The following BMPER variants were observed in gnomAD, a reference collection of about 807,000 sequenced individuals.
The protein encoded by BMPER is BMP-binding endothelial regulator protein.
Under a neutral mutation model 87.3 loss-of-function variants are expected in BMPER, and 45 were observed. The observed-to-expected ratio is 0.52, with a 90% CI of 0.41 to 0.66. The LOEUF (loss-of-function observed/expected upper bound fraction) is 0.66. Among genes scored for constraint, BMPER ranks in the 30% least tolerant of loss-of-function variants. BMPER has a pLI of 0.00. For missense variants in BMPER, 784 were observed against 867.5 expected, an observed-to-expected ratio of 0.90 and a Z score of 1.21; for synonymous variants, 326 against 316.2, an observed-to-expected ratio of 1.03 and a Z score of -0.33.
At chr7:33,928,469 G>GT (rs1212186722) in intron 2 of BMPER, among the ~76,000 whole-genome samples, 31 of 150,118 alleles carry the variant, frequency 2.1e-4, no homozygotes, top group East Asian at 7.8e-4. Flanking sequence ...TTTGGTGGTT[G>GT]TTTTTTTTTG....
At chr7:34,122,052 G>C (rs1336106353) in intron 13 of BMPER, among the ~76,000 whole-genome samples, 1 of 141,406 alleles carries the variant, frequency 7.1e-6, no homozygotes, top group Admixed American at 7.1e-5. Flanking sequence ...CAGCCCAAGA[G>C]TTGGATGCTG....
At chr7:33,945,065 C>T (rs1784855159) in intron 3 of BMPER, among the ~76,000 whole-genome samples, 1 of 151,986 alleles carries the variant, frequency 6.6e-6, no homozygotes, top group Non-Finnish European at 1.5e-5. Flanking sequence ...CCTCAGCCTC[C>T]TGAGTAGCAG....
intron 3 of BMPER, among the ~76,000 whole-genome samples, chr7:33,937,976 T>G: frequency 6.6e-6 from 1 of 152,170 alleles, no homozygotes; most frequent in African/African-American, 2.4e-5. Flanking sequence ...CACCTCTCTC[T>G]TGGCCTTAGT....
Position 33,970,360 on chromosome 7 carries a change from G to T in BMPER, c.434G>T (p.Cys145Phe). Residue 145 changes from cysteine to phenylalanine, a missense_variant, in exon 5 of 15, where the codon TGT (cysteine) becomes TTT (phenylalanine). Transcript: ENST00000649409. ...GTTGTCACAGAGTCTGGGGTGCGCT[G>T]TGTTGTTCATTGTAAAAACCCTTTG... is the stretch of plus-strand genomic sequence containing the variant. ...EGVVTESGVRCVVHCKNPLEH... is the reference protein window; with the variant it reads ...EGVVTESGVRFVVHCKNPLEH... The T allele has an allele frequency of 6.2e-7, 1 of 1,614,152 alleles. No homozygotes were observed. Among genetic ancestry groups the T allele is most frequent in the Non-Finnish European group, 8.5e-7 (1 of 1,180,010 alleles).
chr7:34,103,268 C>G (rs1363433569), intron 13 of BMPER, among the ~76,000 whole-genome samples: 1 of 152,092 alleles, frequency 6.6e-6, no homozygotes, highest in African/African-American at 2.4e-5. Context: ...CAGTTAATGC[C>G]CAACTATTGA....
chr7:33,999,737 A>T (rs913508114), intron 6 of BMPER, among the ~76,000 whole-genome samples: 1 of 152,200 alleles, frequency 6.6e-6, no homozygotes, highest in Non-Finnish European at 1.5e-5. Flanking sequence ...GAAAGGCTGG[A>T]GTTGAATTCT....
chr7:34,064,610 G>A (rs1158517956), intron 11 of BMPER, among the ~76,000 whole-genome samples: 1 of 152,208 alleles, frequency 6.6e-6, no homozygotes, highest in Non-Finnish European at 1.5e-5. Context: ...TGGCAAGGGA[G>A]AAGGCCACCC....
intron 13 of BMPER, among the ~76,000 whole-genome samples, chr7:34,129,691 A>G (rs573447687): frequency 7.2e-5 from 11 of 152,038 alleles, no homozygotes; most frequent in Non-Finnish European, 1.5e-4. Context: ...AAAACCTGCC[A>G]TATTATAATT....
chr7:33,987,036 C>G (rs1045946393), intron 6 of BMPER, among the ~76,000 whole-genome samples: 4 of 152,100 alleles, frequency 2.6e-5, no homozygotes, highest in African/African-American at 9.7e-5. Context: ...CTCTTCCATT[C>G]CCATCAGGCG....
chr7:33,993,929 C>T (rs974897113), intron 6 of BMPER, among the ~76,000 whole-genome samples: 2 of 152,168 alleles, frequency 1.3e-5, no homozygotes, highest in African/African-American at 4.8e-5. Flanking sequence ...AGTTAGGCTG[C>T]TCGGGGGTCA....
chr7:34,056,588 C>T (rs1198858902), intron 9 of BMPER, among the ~76,000 whole-genome samples: 1 of 151,334 alleles, frequency 6.6e-6, no homozygotes, highest in Non-Finnish European at 1.5e-5. Flanking sequence ...CTCACTCTCA[C>T]TCTCACCATG....
At chr7:33,907,212 A>G (rs188400644) in intron 2 of BMPER, among the ~76,000 whole-genome samples, 2 of 152,244 alleles carry the variant, frequency 1.3e-5, no homozygotes, top group Admixed American at 1.3e-4. Flanking sequence ...TGATTACTAC[A>G]ACCAAATTCT....
At chr7:34,114,591 A>G (rs1235760694) in intron 13 of BMPER, among the ~76,000 whole-genome samples, 3 of 152,246 alleles carry the variant, frequency 2.0e-5, no homozygotes, top group Non-Finnish European at 2.9e-5. Context: ...ATATCAATTA[A>G]TCATACAAGT....
chr7:34,009,672 A>T (rs1786827194), intron 6 of BMPER, among the ~76,000 whole-genome samples: 1 of 152,018 alleles, frequency 6.6e-6, no homozygotes, highest in Non-Finnish European at 1.5e-5. Flanking sequence ...CTTTTGGAAG[A>T]GGGGAGGCAT....
At chr7:34,148,965 A>T (rs1247134765) in intron 14 of BMPER, among the ~76,000 whole-genome samples, 1 of 152,190 alleles carries the variant, frequency 6.6e-6, no homozygotes, top group Non-Finnish European at 1.5e-5. Context: ...TGAACTCAAG[A>T]TTGGCCAGAT....
chr7:33,907,516 G>A (rs1783852822), intron 2 of BMPER, among the ~76,000 whole-genome samples: 1 of 152,154 alleles, frequency 6.6e-6, no homozygotes, highest in African/African-American at 2.4e-5. Context: ...CAGCTGCTTA[G>A]TTAACACTAT....
chr7:34,147,307 G>T (rs142390510), intron 14 of BMPER, among the ~76,000 whole-genome samples: 235 of 152,304 alleles, frequency 1.5e-3, no homozygotes, highest in African/African-American at 5.3e-3. Context: ...CCCCATAGGG[G>T]GATGTGGAGA....
Position 34,153,398 on chromosome 7 carries a change from G to A in BMPER, c.*125G>A, listed in dbSNP as rs559005265. 11 of 784,804 alleles carry A rather than the reference G, an allele frequency of 1.4e-5. No individual in the cohort carries two copies. Among genetic ancestry groups the A allele is most frequent in the East Asian group, 2.7e-5 (1 of 37,374 alleles). The allele number at this position is 784,804 out of a possible 1,614,324, so 48.6% of individuals were successfully genotyped here. On this transcript the variant is annotated 3_prime_UTR_variant, in exon 15 of 15. Coordinates refer to ENST00000649409, the MANE Select transcript of BMPER (RefSeq NM_001365308.1). ...ACACACACACACAGAGTATATATGT[G>A]TATATATATATAGATATATTCAAAA... is the stretch of plus-strand genomic sequence containing the variant.
intron 4 of BMPER, among the ~76,000 whole-genome samples, chr7:33,969,431 G>T (rs536617567): frequency 1.3e-5 from 2 of 152,088 alleles, no homozygotes; most frequent in Non-Finnish European, 2.9e-5. Context: ...ATGGAGTCTC[G>T]CTCTGTCGTC....
Sources: gnomAD v4.1 joint callset for allele counts (sites outside exome capture counted in the v4.1 genomes callset) on GRCh38, gnomAD v4.1.1 for gene constraint, MANE v1.5 for transcripts, NCBI Gene and HGNC (gene_info 2026-07-23, HGNC 2026-07-21) for gene names.